The following DPYD variants were observed in gnomAD, a reference collection of about 807,000 sequenced individuals.
DPYD encodes dihydropyrimidine dehydrogenase, also known as dihydropyrimidine dehydrogenase [NADP(+)].
Under a neutral mutation model 116.2 loss-of-function variants are expected in DPYD, and 109 were observed. The ratio of observed to expected loss-of-function variants is 0.94; its 90% confidence interval spans 0.80 to 1.10. DPYD has a LOEUF of 1.10. Ranked by LOEUF, DPYD falls within the 50% of genes least tolerant of loss-of-function variation. DPYD has a pLI of 0.00. For missense variants in DPYD, 1,302 were observed against 1,254.5 expected, an observed-to-expected ratio of 1.04 and a Z score of -0.57; for synonymous variants, 440 against 432.0, an observed-to-expected ratio of 1.02 and a Z score of -0.23.
intron 3 of DPYD, among the ~76,000 whole-genome samples, chr1:97,821,692 T>A (rs1020397290): frequency 6.6e-6 from 1 of 152,196 alleles, no homozygotes; most frequent in African/African-American, 2.4e-5. Flanking sequence ...GGACAAGATA[T>A]ACAGCTTCTA....
intron 8 of DPYD, among the ~76,000 whole-genome samples, chr1:97,596,653 G>A (rs1571028885): frequency 6.6e-6 from 1 of 152,294 alleles, no homozygotes; most frequent in African/African-American, 2.4e-5. Context: ...GGTAGATACA[G>A]AGTAATAAGC....
At chr1:97,457,192 GA>G (rs35893611) in intron 13 of DPYD, among the ~76,000 whole-genome samples, 31,923 of 151,904 alleles carry the variant, frequency 0.21, 4,009 homozygotes, top group Middle Eastern at 0.36. Flanking sequence ...TAAAAGACGG[GA>G]ATAATAAATG....
At chr1:97,562,209 C>T (rs1185804217) in intron 11 of DPYD, among the ~76,000 whole-genome samples, 1 of 152,152 alleles carries the variant, frequency 6.6e-6, no homozygotes, top group African/African-American at 2.4e-5. Context: ...TGGTTTTAAT[C>T]CCACCATCAG....
intron 18 of DPYD, among the ~76,000 whole-genome samples, chr1:97,262,710 T>C (rs750211399): frequency 2.0e-5 from 3 of 152,206 alleles, no homozygotes; most frequent in Middle Eastern, 3.4e-3. Flanking sequence ...TTATTTCTTT[T>C]TCTTTTTTTA....
At chr1:97,576,971 G>T (rs930811225) in intron 10 of DPYD, among the ~76,000 whole-genome samples, 2 of 152,066 alleles carry the variant, frequency 1.3e-5, no homozygotes, top group African/African-American at 4.8e-5. Context: ...ATTGTTTAAA[G>T]AAAAAATAGT....
At chr1:97,734,810 T>C (rs929328974) in intron 4 of DPYD, among the ~76,000 whole-genome samples, 1 of 151,870 alleles carries the variant, frequency 6.6e-6, no homozygotes, top group Non-Finnish European at 1.5e-5. Flanking sequence ...TCCAAGCATA[T>C]AGGTTTTAGA....
At chr1:97,446,537 A>G (rs1421794426) in intron 14 of DPYD, among the ~76,000 whole-genome samples, 1 of 152,180 alleles carries the variant, frequency 6.6e-6, no homozygotes, top group Non-Finnish European at 1.5e-5. Flanking sequence ...GTGTATTGTA[A>G]TAGATGTATA....
intron 3 of DPYD, among the ~76,000 whole-genome samples, chr1:97,801,972 T>C (rs1290574861): frequency 6.6e-6 from 1 of 151,880 alleles, no homozygotes; most frequent in East Asian, 1.9e-4. Flanking sequence ...ATTTTAGAAG[T>C]AGGATATAAA....
At chr1:97,840,384 T>G (rs1669981079) in intron 2 of DPYD, among the ~76,000 whole-genome samples, 1 of 152,138 alleles carries the variant, frequency 6.6e-6, no homozygotes, top group African/African-American at 2.4e-5. Flanking sequence ...GTTATTCATC[T>G]AAGTCTAAAC....
rs564608359 is a variant in DPYD at position 97,383,509 on chromosome 1, A to C, written c.1906-1048T>G. On this transcript the variant is annotated intron_variant, in intron 14 of 22. Coordinates refer to ENST00000370192, the MANE Select transcript of DPYD (RefSeq NM_000110.4). ...AAAAAGAAAAAAAGAAAAAAAGAAA[A>C]GAAAAGTAATAAAAGAAATTGCTAA... 2.6e-4 allele frequency among the ~76,000 whole-genome samples: 39 copies of C among 152,022 alleles called. No homozygotes were observed. The South Asian group carries it at 7.9e-3, about 31-fold the overall frequency.
intron 11 of DPYD, among the ~76,000 whole-genome samples, chr1:97,563,464 T>C (rs1429661514): frequency 1.3e-5 from 2 of 152,198 alleles, no homozygotes; most frequent in South Asian, 2.1e-4. Flanking sequence ...CGTTATTTTT[T>C]CCCATTTTCT....
At chr1:97,141,888 T>C (rs1322181714) in intron 20 of DPYD, among the ~76,000 whole-genome samples, 2 of 152,134 alleles carry the variant, frequency 1.3e-5, no homozygotes. Flanking sequence ...GAGGAGTTAC[T>C]GACTCCTTTG....
At chr1:97,206,993 T>A (rs1354661463) in intron 19 of DPYD, among the ~76,000 whole-genome samples, 1 of 151,960 alleles carries the variant, frequency 6.6e-6, no homozygotes, top group Non-Finnish European at 1.5e-5. Context: ...ATAGGTATCA[T>A]CATTTGGATC....
chr1:97,137,561 C>T (rs1007977702), intron 20 of DPYD, among the ~76,000 whole-genome samples: 1 of 152,188 alleles, frequency 6.6e-6, no homozygotes, highest in Non-Finnish European at 1.5e-5. Context: ...TCTCTCATTG[C>T]GCTTCTCTGC....
At chr1:97,330,325 T>C (rs1332050302) in intron 16 of DPYD, among the ~76,000 whole-genome samples, 2 of 152,180 alleles carry the variant, frequency 1.3e-5, no homozygotes, top group Non-Finnish European at 2.9e-5. Flanking sequence ...TTAATTAATA[T>C]CCAAACTTGC....
At chr1:97,079,905 C>T (rs1308496302) in intron 22 of DPYD, among the ~76,000 whole-genome samples, 2 of 151,898 alleles carry the variant, frequency 1.3e-5, no homozygotes, top group Non-Finnish European at 2.9e-5. Context: ...CTCTCTTTTT[C>T]TTTCCATGAA....
intron 19 of DPYD, among the ~76,000 whole-genome samples, chr1:97,218,918 G>T (rs144920825): frequency 1.1e-3 from 163 of 152,162 alleles, no homozygotes; most frequent in Non-Finnish European, 1.9e-3. Flanking sequence ...TGGTTTGTTA[G>T]TACTGCAAAG....
intron 3 of DPYD, among the ~76,000 whole-genome samples, chr1:97,771,267 C>T (rs1232910171): frequency 6.6e-6 from 1 of 151,874 alleles, no homozygotes; most frequent in Non-Finnish European, 1.5e-5. Context: ...GTCTCAATTA[C>T]AAAGAAAAAA....
intron 21 of DPYD, among the ~76,000 whole-genome samples, chr1:97,091,856 T>C (rs568292737): frequency 6.6e-6 from 1 of 152,292 alleles, no homozygotes; most frequent in African/African-American, 2.4e-5. Flanking sequence ...GCAAACTGTA[T>C]CAACACTGCA....
Sources: gnomAD v4.1 joint callset for allele counts (sites outside exome capture counted in the v4.1 genomes callset) on GRCh38, gnomAD v4.1.1 for gene constraint, MANE v1.5 for transcripts, NCBI Gene and HGNC (gene_info 2026-07-23, HGNC 2026-07-21) for gene names.